CADM2: variants seen among roughly 807,000 people sequenced by gnomAD.
CADM2 encodes the protein cell adhesion molecule 2.
Under a neutral mutation model 49.8 loss-of-function variants are expected in CADM2, and 12 were observed. The ratio of observed to expected loss-of-function variants is 0.24; its 90% CI spans 0.15 to 0.39. CADM2 has a LOEUF of 0.39. CADM2 is among the 10% of genes least tolerant of loss of function. The pLI, the probability that CADM2 is intolerant of heterozygous loss-of-function variation, is 1.00. For synonymous variants in CADM2, 214 were observed against 175.4 expected (o/e 1.22, Z -1.74); for missense variants, 378 against 492.3 (o/e 0.77, Z 2.20).
intron 8 of CADM2, among the ~76,000 whole-genome samples, chr3:85,962,162 G>A (rs992500852): frequency 2.0e-5 from 3 of 151,870 alleles, no homozygotes; most frequent in South Asian, 2.1e-4. Context: ...CAAGTTATCA[G>A]CCTGCCTCGG....
At chr3:85,099,915 C>G (rs1216630322) in intron 1 of CADM2, among the ~76,000 whole-genome samples, 1 of 152,102 alleles carries the variant, frequency 6.6e-6, no homozygotes, top group Non-Finnish European at 1.5e-5. Flanking sequence ...TACATAAAAC[C>G]ATATCTATCA....
chr3:85,287,330 T>C (rs2043658431), intron 1 of CADM2, among the ~76,000 whole-genome samples: 1 of 152,142 alleles, frequency 6.6e-6, no homozygotes, highest in Non-Finnish European at 1.5e-5. Flanking sequence ...GGAATACTTT[T>C]TTCTTTGAAT....
chr3:85,843,357 TTC>T (rs1207506291), intron 3 of CADM2, among the ~76,000 whole-genome samples: 3 of 151,460 alleles, frequency 2.0e-5, no homozygotes, highest in Admixed American at 6.6e-5. Context: ...AATACGGTCT[TTC>T]TCTCTCTCTC....
chr3:85,762,575 C>T (rs1226788538), intron 2 of CADM2, among the ~76,000 whole-genome samples: 1 of 148,494 alleles, frequency 6.7e-6, no homozygotes, highest in African/African-American at 2.5e-5. Context: ...CAATTTACAG[C>T]GTGAGCCACT....
chr3:85,891,830 T>C (rs1714472016), intron 5 of CADM2, among the ~76,000 whole-genome samples: 1 of 152,284 alleles, frequency 6.6e-6, no homozygotes, highest in South Asian at 2.1e-4. Flanking sequence ...CTAACTCAGA[T>C]TGAAACTATA....
Position 86,073,323 on chromosome 3 carries a change from A to G in CADM2, c.*6540A>G, listed in dbSNP as rs568001591. ...ATATTTATGACAGCATAAAAAATAA[A>G]TTCTGTGCTATAAAGAAGATCCAAC... On this transcript the variant is annotated 3_prime_UTR_variant, in exon 10 of 10. Coordinates refer to ENST00000383699, the MANE Select transcript of CADM2 (RefSeq NM_001167675.2). The G allele has an allele frequency of 6.6e-6, 1 of 152,194 alleles. No individual in the cohort carries two copies. The highest frequency in any genetic ancestry group is 2.1e-4 in the South Asian group (1 of 4,826). The allele number at this position is 152,194 out of a possible 1,614,324, so 9.4% of individuals were successfully genotyped here. A position where few individuals can be genotyped will look rare whatever the true frequency, so the allele number is the denominator to read the frequency against.
At chr3:85,884,801 T>G (rs1328314183) in intron 4 of CADM2, among the ~76,000 whole-genome samples, 1 of 151,078 alleles carries the variant, frequency 6.6e-6, no homozygotes, top group Non-Finnish European at 1.5e-5. Context: ...CTCAGCTCAC[T>G]GCAACCTCTG....
intron 1 of CADM2, among the ~76,000 whole-genome samples, chr3:85,601,130 G>GTATATATATA (rs375011644): frequency 6.4e-5 from 7 of 109,650 alleles, no homozygotes; most frequent in Non-Finnish European, 8.8e-5. Flanking sequence ...ATATATGTGT[G>GTATATATATA]TATATATATA....
chr3:85,453,377 G>T (rs1450983823), intron 1 of CADM2, among the ~76,000 whole-genome samples: 4 of 151,870 alleles, frequency 2.6e-5, no homozygotes, highest in Non-Finnish European at 4.4e-5. Context: ...TGTATTAATA[G>T]AACTTTTGAA....
At chr3:85,791,707 T>C (rs1048080795) in intron 2 of CADM2, among the ~76,000 whole-genome samples, 2 of 151,924 alleles carry the variant, frequency 1.3e-5, no homozygotes, top group Non-Finnish European at 2.9e-5. Context: ...CTTGTTGAGT[T>C]TTTGTTGTTG....
At chr3:85,049,949 C>T (rs1461892485) in intron 1 of CADM2, among the ~76,000 whole-genome samples, 1 of 152,132 alleles carries the variant, frequency 6.6e-6, no homozygotes. Context: ...CATCTCCCCA[C>T]TGGCCATATC....
intron 1 of CADM2, among the ~76,000 whole-genome samples, chr3:85,471,057 C>T (rs2038743550): frequency 6.6e-6 from 1 of 152,114 alleles, no homozygotes; most frequent in Non-Finnish European, 1.5e-5. Flanking sequence ...AGGAAACAAA[C>T]TAAAGCTGCT....
At chr3:86,056,636 G>C (rs913829896) in intron 8 of CADM2, among the ~76,000 whole-genome samples, 1 of 152,164 alleles carries the variant, frequency 6.6e-6, no homozygotes, top group Non-Finnish European at 1.5e-5. Flanking sequence ...ATTAGTGCAC[G>C]GAGTGGCAAC....
intron 1 of CADM2, among the ~76,000 whole-genome samples, chr3:85,400,390 G>A (rs564532242): frequency 2.6e-5 from 4 of 152,194 alleles, no homozygotes; most frequent in East Asian, 1.9e-4. Context: ...TGTTCATCAG[G>A]GATATTGGTC....
chr3:85,603,763 T>C (rs1039848589), intron 1 of CADM2, among the ~76,000 whole-genome samples: 1 of 152,100 alleles, frequency 6.6e-6, no homozygotes, highest in African/African-American at 2.4e-5. Context: ...GTTCTCTGCA[T>C]ATTTTAAAAT....
chr3:85,102,616 T>C (rs1445397912), intron 1 of CADM2, among the ~76,000 whole-genome samples: 2 of 152,246 alleles, frequency 1.3e-5, no homozygotes, highest in African/African-American at 4.8e-5. Context: ...AAAAGTTAAA[T>C]TGTGATAAAA....
intron 2 of CADM2, among the ~76,000 whole-genome samples, chr3:85,792,452 A>C (rs1045974179): frequency 6.6e-6 from 1 of 152,248 alleles, no homozygotes; most frequent in African/African-American, 2.4e-5. Flanking sequence ...ATTTTTAGGA[A>C]CTAAAGAATA....
chr3:85,102,095 T>C (rs889340220), intron 1 of CADM2, among the ~76,000 whole-genome samples: 3 of 152,200 alleles, frequency 2.0e-5, no homozygotes, highest in Admixed American at 2.0e-4. Context: ...AAAAAAGTCT[T>C]ATGTAGCCTG....
At chr3:85,212,786 C>T (rs1166880297) in intron 1 of CADM2, among the ~76,000 whole-genome samples, 1 of 149,374 alleles carries the variant, frequency 6.7e-6, no homozygotes, top group Non-Finnish European at 1.5e-5. Context: ...GAATTTTTTG[C>T]CTTCAGATAT....
Sources: allele counts gnomAD v4.1 joint callset (sites outside exome capture counted in the v4.1 genomes callset), GRCh38; gene constraint gnomAD v4.1.1; transcripts MANE v1.5; gene names NCBI Gene and HGNC (gene_info 2026-07-23, HGNC 2026-07-21).